The following MACO1 variants were observed in gnomAD, a reference collection of about 807,000 sequenced individuals.
MACO1 encodes macoilin.
In MACO1, 14 loss-of-function variants were observed where a neutral mutation model predicts 78.7. That is an observed-to-expected ratio of 0.18 (90% CI 0.12 to 0.28). The LOEUF is 0.28. Among genes scored for constraint, MACO1 ranks in the 10% least tolerant of loss-of-function variants. MACO1 has a pLI of 1.00. For synonymous variants in MACO1, 288 were observed against 291.6 expected (o/e 0.99, Z 0.12); for missense variants, 501 against 799.0 (o/e 0.63, Z 4.50).
At chr1:25,490,898 T>C (rs1273906985) in intron 9 of MACO1, among the ~76,000 whole-genome samples, 1 of 152,210 alleles carries the variant, frequency 6.6e-6, no homozygotes, top group African/African-American at 2.4e-5. Context: ...TCTTTGAATT[T>C]TTCTATATTC....
At chr1:25,498,110 T>C (rs2043553708) in intron 10 of MACO1, among the ~76,000 whole-genome samples, 154 bp from the exon 11 acceptor site, 1 of 152,210 alleles carries the variant, frequency 6.6e-6, no homozygotes, top group East Asian at 1.9e-4. Context: ...AAATATTTAC[T>C]GTGTCCCATT....
Position 25,431,088 on chromosome 1 carries a change from C to T in MACO1, c.-11C>T, listed in dbSNP as rs772694639. The T allele has an allele frequency of 6.3e-6, 10 of 1,581,644 alleles. No individual in the cohort carries two copies. The African/African-American group carries it at 6.9e-5, about 11-fold the overall frequency. On this transcript the variant is annotated 5_prime_UTR_variant, in exon 1 of 11. Coordinates refer to ENST00000374343, the MANE Select transcript of MACO1 (RefSeq NM_018202.6). The stretch of plus-strand genomic sequence containing the variant: ...GGCGGCGGCGCGGGCACCCGGCCCC[C>T]CAGCGGGAGGATGAAGCGGCGGAAC...
intron 6 of MACO1, among the ~76,000 whole-genome samples, chr1:25,473,493 A>G (rs2043292515): frequency 6.6e-6 from 1 of 152,186 alleles, no homozygotes; most frequent in Admixed American, 6.5e-5. Context: ...ATGAAAAAAA[A>G]AATTTTTATG....
intron 6 of MACO1, among the ~76,000 whole-genome samples, chr1:25,460,567 G>T (rs2043162190): frequency 6.6e-6 from 1 of 151,986 alleles, no homozygotes; most frequent in Admixed American, 6.6e-5. Context: ...ACTATGCCTG[G>T]CTAATTTTTT....
At chr1:25,494,675 G>A (rs2043519017) in intron 10 of MACO1, among the ~76,000 whole-genome samples, 2 of 152,176 alleles carry the variant, frequency 1.3e-5, no homozygotes. Flanking sequence ...AGTATGGGGA[G>A]GGCGGACGGG....
Position 25,439,951 on chromosome 1 carries a change from G to A in MACO1, c.81-6811G>A, listed in dbSNP as rs570794533. Among the ~76,000 whole-genome samples, 7 of 150,876 alleles carry A rather than the reference G, an allele frequency of 4.6e-5. 1 individual carries two copies. Among genetic ancestry groups the A allele is most frequent in the African/African-American group, 1.7e-4 (7 of 41,032 alleles). ...GAGAATCACTTGAACCCAGGAGGCA[G>A]AGATTGCGGTGAGCCGAGATCGTAC... is the stretch of plus-strand genomic sequence containing the variant. On this transcript the variant is annotated intron_variant, in intron 1 of 10. Coordinates refer to ENST00000374343, the MANE Select transcript of MACO1 (RefSeq NM_018202.6).
intron 1 of MACO1, among the ~76,000 whole-genome samples, chr1:25,446,285 GA>G (rs895619340): frequency 2.0e-4 from 31 of 151,946 alleles, no homozygotes; most frequent in Middle Eastern, 3.2e-3. Context: ...AAAAAAGGGG[GA>G]AAAAAAGACA....
intron 1 of MACO1, among the ~76,000 whole-genome samples, chr1:25,439,475 CGTGT>C (rs71714344): frequency 1.3e-5 from 2 of 151,386 alleles, no homozygotes; most frequent in Non-Finnish European, 2.9e-5. Flanking sequence ...TGTACGCGCG[CGTGT>C]GTGTGTGTGT....
chr1:25,460,702 T>C (rs2043163197), intron 6 of MACO1, among the ~76,000 whole-genome samples: 1 of 152,180 alleles, frequency 6.6e-6, no homozygotes, highest in South Asian at 2.1e-4. Context: ...GATCTGCTTT[T>C]AGTAGAGAAG....
chr1:25,476,712 A>G (rs1490729701), intron 6 of MACO1, among the ~76,000 whole-genome samples: 1 of 152,220 alleles, frequency 6.6e-6, no homozygotes, highest in East Asian at 1.9e-4. Context: ...ATTAATGTGT[A>G]CCAGGGGAAC....
In MACO1 at chr1:25,446,939, A is replaced by G. The variant is rs767957021; in HGVS notation, c.222+36A>G. 2.5e-6 allele frequency: 4 copies of G among 1,598,578 alleles called. No individual in the cohort carries two copies. In the African/African-American group the frequency reaches 4.0e-5, roughly 16 times the overall value. The stretch of plus-strand genomic sequence containing the variant: ...TAATACATGTTTTCCATGTGTGGGG[A>G]CCATTCAGCTGTTTAGAGTAGATGT... On this transcript the variant is annotated intron_variant, in intron 2 of 10. Transcript: ENST00000374343.
At chr1:25,435,742 A>G (rs1258971463) in intron 1 of MACO1, among the ~76,000 whole-genome samples, 1 of 152,224 alleles carries the variant, frequency 6.6e-6, no homozygotes, top group Non-Finnish European at 1.5e-5. Flanking sequence ...CACGAAAGTG[A>G]TAGATTCTGT....
intron 6 of MACO1, among the ~76,000 whole-genome samples, chr1:25,480,929 A>AATATATAT (rs202050214): frequency 1.3e-3 from 61 of 47,816 alleles, no homozygotes; most frequent in South Asian, 2.8e-3. Context: ...AAAAAAAAAA[A>AATATATAT]ATATATATAT....
intron 6 of MACO1, among the ~76,000 whole-genome samples, chr1:25,468,373 T>C (rs2043237336): frequency 6.6e-6 from 1 of 152,162 alleles, no homozygotes; most frequent in Non-Finnish European, 1.5e-5. Flanking sequence ...AGCCCTGAAC[T>C]AGAAGACTTG....
At position 25,472,460 on chromosome 1, in the gene MACO1, C is replaced by T. The variant is rs569081887; in HGVS notation, c.1155-11656C>T. Among the ~76,000 whole-genome samples, 5 of 150,942 alleles carry T rather than the reference C, an allele frequency of 3.3e-5. No homozygotes were observed. In the East Asian group the frequency reaches 5.9e-4, roughly 18 times the overall value. On this transcript the variant is annotated intron_variant, in intron 6 of 10. Coordinates refer to ENST00000374343, the MANE Select transcript of MACO1 (RefSeq NM_018202.6). ...TCTCCCACTTATGAGTGAGAACATG[C>T]GGTGTTTGGTTTTCTCTTCCTGTGT...
Position 25,460,263 on chromosome 1 carries a change from G to A in MACO1, c.1154+1371G>A, listed in dbSNP as rs758672593. On this transcript the variant is annotated intron_variant, in intron 6 of 10. Transcript: ENST00000374343. ...CCATTGTGCCCAGCAGAAAAAACAC[G>A]TGGAAGAGAACTCTCCTCCAGATGC... is the stretch of plus-strand genomic sequence containing the variant. 1.6e-3 allele frequency among the ~76,000 whole-genome samples: 250 copies of A among 152,206 alleles called. 2 individuals are homozygous for A. Among genetic ancestry groups the A allele is most frequent in the Non-Finnish European group, 2.4e-3 (161 of 68,020 alleles).
chr1:25,496,701 GA>G (rs563266090), intron 10 of MACO1, among the ~76,000 whole-genome samples: 9,734 of 144,318 alleles, frequency 0.067, 1,001 homozygotes, highest in African/African-American at 0.23. Flanking sequence ...GCTAACAATG[GA>G]AAAAAAAAAA....
At chr1:25,465,542 G>T (rs2043211055) in intron 6 of MACO1, among the ~76,000 whole-genome samples, 2 of 152,204 alleles carry the variant, frequency 1.3e-5, no homozygotes, top group Non-Finnish European at 2.9e-5. Context: ...GGTGACATAT[G>T]ATATGATGTT....
chr1:25,484,338 G>A lies in MACO1; in HGVS notation c.1313+64G>A, dbSNP rs922331274. On this transcript the variant is annotated intron_variant, in intron 7 of 10. Transcript: ENST00000374343. ...AGCTTCACTGCTTCTCCTGTTGCCA[G>A]GGGTTGGAGCACAAGATTTATGGTG... 4.0e-6 allele frequency: 6 copies of A among 1,497,912 alleles called. No homozygotes were observed. The African/African-American group carries it at 5.6e-5, about 14-fold the overall frequency. The allele number at this position is 1,497,912 out of a possible 1,614,324, so 92.8% of individuals were successfully genotyped here.
Sources: allele counts gnomAD v4.1 joint callset (sites outside exome capture counted in the v4.1 genomes callset), GRCh38; gene constraint gnomAD v4.1.1; transcripts MANE v1.5; gene names NCBI Gene and HGNC (gene_info 2026-07-23, HGNC 2026-07-21).